SMIM20: variants seen among roughly 807,000 people sequenced by gnomAD.
SMIM20 encodes mitochondrial translation regulation assembly intermediate of cytochrome c oxidase protein of 7 kDa.
A neutral mutation model predicts 8.7 loss-of-function variants in SMIM20; 3 were observed. The ratio of observed to expected loss-of-function variants is 0.34; its 90% CI spans 0.16 to 0.89. SMIM20 has a LOEUF of 0.89. Ranked by LOEUF, SMIM20 falls within the 40% of genes least tolerant of loss-of-function variation. The probability of loss-of-function intolerance (pLI) is 0.49; values close to 1 mark genes in which losing one functional copy is unlikely to be tolerated. For synonymous variants in SMIM20, 44 were observed against 33.6 expected, an observed-to-expected ratio of 1.31 and a Z score of -1.07; for missense variants, 85 against 84.8, an observed-to-expected ratio of 1.00 and a Z score of -0.01.
At chr4:25,916,671 T>A (rs1719098924) in intron 1 of SMIM20, among the ~76,000 whole-genome samples, 1 of 152,156 alleles carries the variant, frequency 6.6e-6, no homozygotes, top group Non-Finnish European at 1.5e-5. Context: ...TTCTTGTGCC[T>A]CAGCCTCCCA....
chr4:25,929,364 TC>T lies in SMIM20; in HGVS notation c.*174del. The T allele has an allele frequency of 1.7e-6, 1 of 587,380 alleles. No individual in the cohort carries two copies. 36.4% of individuals were successfully genotyped at this position (587,380 alleles called of 1,614,324 possible). A position where few individuals can be genotyped will look rare whatever the true frequency, so the allele number is the denominator to read the frequency against. ...TGTGCACAAGGATTAATATTTCCCT[TC>T]TTAAGTATCAAAAGAACTCTGGAAC... On this transcript the variant is annotated 3_prime_UTR_variant, in exon 3 of 3. Transcript: ENST00000506197.
At chr4:25,928,148 T>C in intron 1 of SMIM20, 165 bp from the exon 2 acceptor site, 1 of 556,070 alleles carries the variant, frequency 1.8e-6, no homozygotes, top group South Asian at 3.4e-5. Context: ...CATTATAGGA[T>C]CTAACTTCCA....
At position 25,915,861 on chromosome 4, in the gene SMIM20, G is replaced by A. The variant is rs1193311701; in HGVS notation, c.109+1439G>A. Among the ~76,000 whole-genome samples the A allele has an allele frequency of 1.9e-4, 26 of 136,224 alleles. 1 individual carries two copies. Among genetic ancestry groups the A allele is most frequent in the African/African-American group, 6.4e-4 (25 of 39,122 alleles). The allele number at this position is 136,224 out of a possible 152,430, so 89.4% of individuals were successfully genotyped here. A position where few individuals can be genotyped will look rare whatever the true frequency, so the allele number is the denominator to read the frequency against. ...GCTTGTCACAACTTGGGATGGGGCG[G>A]GGGGGGGGTCGAGTGTTGCTACTGG... On this transcript the variant is annotated intron_variant, in intron 1 of 2. Transcript: ENST00000506197.
chr4:25,922,617 C>G (rs1409801595), intron 1 of SMIM20, among the ~76,000 whole-genome samples: 3 of 152,306 alleles, frequency 2.0e-5, no homozygotes, highest in Middle Eastern at 3.4e-3. Flanking sequence ...TCTTGTTAGG[C>G]CTTCTCTCCT....
chr4:25,919,173 G>C (rs1719153226), intron 1 of SMIM20, among the ~76,000 whole-genome samples: 1 of 151,952 alleles, frequency 6.6e-6, no homozygotes, highest in South Asian at 2.1e-4. Context: ...CAAAGTGCTG[G>C]GATTACAGGC....
chr4:25,918,431 T>A (rs1026384953), intron 1 of SMIM20, among the ~76,000 whole-genome samples: 2 of 152,216 alleles, frequency 1.3e-5, no homozygotes, highest in Admixed American at 6.5e-5. Context: ...TTTCTAATTA[T>A]CATTATATAA....
In SMIM20 at chr4:25,914,337, G is replaced by A. The variant is rs1218825540; in HGVS notation, c.24G>A (p.Ala8=). 4.5e-6 allele frequency: 7 copies of A among 1,550,410 alleles called. No individual in the cohort carries two copies. The highest frequency in any genetic ancestry group is 1.7e-4 in the Middle Eastern group (1 of 6,004). Reference sequence around the variant, plus strand: ...CCATGTCCCGGAACCTGCGCACCGCGCTCATTTTCGGCGGCTTCATCTCCC... The same window carrying A: ...CCATGTCCCGGAACCTGCGCACCGCACTCATTTTCGGCGGCTTCATCTCCC... The part of the protein sequence containing the change: MSRNLRT[A]LIFGGFISLI... The change falls in exon 1 of 3, where the codon GCG becomes GCA. Residue 8 remains alanine (A), a synonymous_variant. Transcript: ENST00000506197.
chr4:25,915,837 C>T (rs1479449421), intron 1 of SMIM20, among the ~76,000 whole-genome samples: 1 of 103,100 alleles, frequency 9.7e-6, no homozygotes, highest in African/African-American at 4.1e-5. Context: ...GACATTTTTG[C>T]TTGTCACAAC....
chr4:25,925,433 C>T (rs575271376), intron 1 of SMIM20, among the ~76,000 whole-genome samples: 71 of 152,076 alleles, frequency 4.7e-4, no homozygotes, highest in African/African-American at 1.6e-3. Context: ...GATGGGGTTT[C>T]GTCACGTTGG....
rs1170391399 is a variant in SMIM20, at chr4:25,914,245, G to A, written c.-69G>A. 1 of 1,510,750 alleles carries A rather than the reference G, an allele frequency of 6.6e-7. No homozygotes were observed. Among genetic ancestry groups the A allele is most frequent in the Non-Finnish European group, 8.9e-7 (1 of 1,123,218 alleles). The allele number at this position is 1,510,750 out of a possible 1,614,324, so 93.6% of individuals were successfully genotyped here. A position where few individuals can be genotyped will look rare whatever the true frequency, so the allele number is the denominator to read the frequency against. On this transcript the variant is annotated 5_prime_UTR_variant, in exon 1 of 3. Transcript: ENST00000506197. ...CTCTTCCGAGCGGGGTCACGGCCCG[G>A]CCGTCGGTAACCTGGTTTCCGAGAG... is the stretch of plus-strand genomic sequence containing the variant.
chr4:25,926,479 A>T (rs1719293301), intron 1 of SMIM20, among the ~76,000 whole-genome samples: 1 of 152,260 alleles, frequency 6.6e-6, no homozygotes, highest in South Asian at 2.1e-4. Context: ...TAGGACAAGG[A>T]TTATAAAGAG....
intron 1 of SMIM20, among the ~76,000 whole-genome samples, chr4:25,920,026 G>A (rs539814447): frequency 2.0e-5 from 3 of 152,216 alleles, no homozygotes; most frequent in African/African-American, 7.2e-5. Flanking sequence ...TACTTCTTTG[G>A]TAAGAATTTG....
chr4:25,926,187 G>A (rs1014893540), intron 1 of SMIM20, among the ~76,000 whole-genome samples: 1 of 152,242 alleles, frequency 6.6e-6, no homozygotes, highest in African/African-American at 2.4e-5. Flanking sequence ...TAGGGAAATA[G>A]AAGCTTACTG....
At chr4:25,921,427 A>G (rs1719201462) in intron 1 of SMIM20, among the ~76,000 whole-genome samples, 1 of 152,234 alleles carries the variant, frequency 6.6e-6, no homozygotes, top group Non-Finnish European at 1.5e-5. Context: ...GCCACGGGGC[A>G]AAGAAGGAGA....
chr4:25,929,401 A>G lies in SMIM20; in HGVS notation c.*210A>G, dbSNP rs938308120. 6.4e-5 allele frequency: 34 copies of G among 527,664 alleles called. No homozygotes were observed. The highest frequency in any genetic ancestry group is 9.7e-5 in the Non-Finnish European group (30 of 309,644). The allele number at this position is 527,664 out of a possible 1,614,324, so 32.7% of individuals were successfully genotyped here. ...AAAGAACTCTGGAACAAATTATACC[A>G]TTAGGAAGGTTTTCATGATTCAGTT... On this transcript the variant is annotated 3_prime_UTR_variant, in exon 3 of 3. Transcript: ENST00000506197.
At chr4:25,916,233 T>C (rs1048661351) in intron 1 of SMIM20, among the ~76,000 whole-genome samples, 7 of 152,144 alleles carry the variant, frequency 4.6e-5, no homozygotes, top group African/African-American at 1.7e-4. Flanking sequence ...TGTTTTTTTT[T>C]CTTTTTTTCC....
chr4:25,915,182 G>A (rs2109361303), intron 1 of SMIM20, among the ~76,000 whole-genome samples: 1 of 152,172 alleles, frequency 6.6e-6, no homozygotes, highest in African/African-American at 2.4e-5. Flanking sequence ...TTGCTCACAT[G>A]GTAATGGTGA....
At chr4:25,920,127 A>C (rs1445593487) in intron 1 of SMIM20, among the ~76,000 whole-genome samples, 1 of 152,176 alleles carries the variant, frequency 6.6e-6, no homozygotes, top group Non-Finnish European at 1.5e-5. Context: ...ACGCCATCCA[A>C]ATTTAATCAT....
Position 25,918,375 on chromosome 4 carries a change from G to A in SMIM20, c.109+3953G>A, listed in dbSNP as rs567255659. Among the ~76,000 whole-genome samples the A allele has an allele frequency of 2.6e-5, 4 of 152,142 alleles. No homozygotes were observed. The East Asian group carries it at 7.7e-4, about 29-fold the overall frequency. On this transcript the variant is annotated intron_variant, in intron 1 of 2. Transcript: ENST00000506197. ...TTCTGTTTGTATTTGGATGTCCTGTGGCCATGTTATTAGGTGCATACAATC... is the reference window on the plus strand; with the variant it reads ...TTCTGTTTGTATTTGGATGTCCTGTAGCCATGTTATTAGGTGCATACAATC...
Sources: gnomAD v4.1 joint callset for allele counts (sites outside exome capture counted in the v4.1 genomes callset) on GRCh38, gnomAD v4.1.1 for gene constraint, MANE v1.5 for transcripts, NCBI Gene and HGNC (gene_info 2026-07-23, HGNC 2026-07-21) for gene names.